PAPOLA: variants seen among roughly 807,000 people sequenced by gnomAD.
PAPOLA encodes the protein poly(A) polymerase alpha.
Under a neutral mutation model 100.6 loss-of-function variants are expected in PAPOLA, and 15 were observed. That is an observed-to-expected ratio of 0.15 (90% CI 0.10 to 0.23). The LOEUF (loss-of-function observed/expected upper bound fraction) is 0.23, where lower values mean the gene tolerates loss of function less well. PAPOLA is among the 10% of genes least tolerant of loss of function. The pLI is 1.00. For missense variants in PAPOLA, 533 were observed against 884.2 expected (o/e 0.60, Z 5.04); for synonymous variants, 293 against 300.0 (o/e 0.98, Z 0.24).
At chr14:96,525,735 G>A (rs1898408099) in intron 4 of PAPOLA, among the ~76,000 whole-genome samples, 1 of 152,112 alleles carries the variant, frequency 6.6e-6, no homozygotes, top group Admixed American at 6.5e-5. Flanking sequence ...CTGGGTGACA[G>A]AACAAGACCC....
chr14:96,555,618 A>G (rs1166187024), intron 17 of PAPOLA, among the ~76,000 whole-genome samples: 1 of 152,166 alleles, frequency 6.6e-6, no homozygotes, highest in Non-Finnish European at 1.5e-5. Context: ...ACATTCTGTC[A>G]TCTCAGGAAG....
Position 96,522,355 on chromosome 14 carries a change from G to A in PAPOLA, c.249+1283G>A, listed in dbSNP as rs112529300. On this transcript the variant is annotated intron_variant, in intron 3 of 21. Coordinates refer to ENST00000216277, the MANE Select transcript of PAPOLA (RefSeq NM_032632.5). ...GCTGGTCTCAAACTTTTGGTCTCAAGTGATCTGCCCACCTCGGCCTTTCAA... is the reference window on the plus strand; with the variant it reads ...GCTGGTCTCAAACTTTTGGTCTCAAATGATCTGCCCACCTCGGCCTTTCAA... Among the ~76,000 whole-genome samples, 10 of 151,646 alleles carry A rather than the reference G, an allele frequency of 6.6e-5. 2 individuals are homozygous for A. Among genetic ancestry groups the A allele is most frequent in the African/African-American group, 2.4e-4 (10 of 41,370 alleles).
chr14:96,527,788 G>A lies in PAPOLA; in HGVS notation c.442-165G>A, dbSNP rs1211509283. The A allele has an allele frequency of 1.8e-5, 12 of 657,856 alleles. No homozygotes were observed. The Admixed American group carries it at 2.4e-4, about 13-fold the overall frequency. The allele number at this position is 657,856 out of a possible 1,614,324, so 40.8% of individuals were successfully genotyped here. On this transcript the variant is annotated intron_variant, in intron 5 of 21. Coordinates refer to ENST00000216277, the MANE Select transcript of PAPOLA (RefSeq NM_032632.5). ...CTGGCCACAATCATACATCTGATGA[G>A]TGGGTGAAGTAAAATATTTGAACCT...
At chr14:96,522,116 CTTTTTTTT>C (rs754167531) in intron 3 of PAPOLA, among the ~76,000 whole-genome samples, 42 of 57,838 alleles carry the variant, frequency 7.3e-4, no homozygotes, top group African/African-American at 1.8e-3. Context: ...TTCTTTCTTT[CTTTTTTTT>C]TTTTTTTTTT....
chr14:96,532,780 G>C, intron 9 of PAPOLA, 131 bp downstream of exon 9: 1 of 1,394,900 alleles, frequency 7.2e-7, no homozygotes, highest in East Asian at 2.7e-5. Context: ...GGCAGCCTTG[G>C]AGATCACATT....
At chr14:96,514,746 G>A (rs1196718465) in intron 1 of PAPOLA, among the ~76,000 whole-genome samples, 1 of 152,212 alleles carries the variant, frequency 6.6e-6, no homozygotes, top group Non-Finnish European at 1.5e-5. Flanking sequence ...CTGCTCTTTA[G>A]TGTTATGTGT....
At chr14:96,534,344 A>C (rs1156899012) in intron 9 of PAPOLA, 147 bp from the exon 10 acceptor site, 2 of 1,431,510 alleles carry the variant, frequency 1.4e-6, no homozygotes, top group Non-Finnish European at 9.1e-7. Flanking sequence ...TGAGTAGTCT[A>C]ATGTCGTCAG....
Position 96,542,775 on chromosome 14 carries a change from G to A in PAPOLA, c.1171G>A (p.Val391Met). The change falls in exon 14 of 22, where the codon GTG becomes ATG. Residue 391 changes from valine (V) to methionine (M), a missense_variant and splice_region_variant. Physicochemically the swap from Val to Met is conservative, Grantham distance 21 (BLOSUM62 1). This residue lies in a region of PAPOLA where 87 missense variants were observed against 173.3 expected (regional missense o/e 0.50). Coordinates refer to ENST00000216277, the MANE Select transcript of PAPOLA (RefSeq NM_032632.5). Reference sequence around the variant, plus strand: ...TAATACTAAGTGACATTTGTTCAGGGTGGGCTTGGTGGAATCAAAAATCCG... The same window carrying A: ...TAATACTAAGTGACATTTGTTCAGGATGGGCTTGGTGGAATCAAAAATCCG... ...APTEKQRLEWVGLVESKIRIL... is the reference protein window; with the variant it reads ...APTEKQRLEWMGLVESKIRIL... 6.2e-7 allele frequency: 1 copy of A among 1,605,296 alleles called. No individual in the cohort carries two copies. The highest frequency in any genetic ancestry group is 8.5e-7 in the Non-Finnish European group (1 of 1,177,784).
chr14:96,523,334 T>C (rs981351256), intron 3 of PAPOLA, among the ~76,000 whole-genome samples: 1 of 152,206 alleles, frequency 6.6e-6, no homozygotes, highest in Non-Finnish European at 1.5e-5. Context: ...GCCAGGTATT[T>C]AAATAAAAAT....
At chr14:96,512,252 T>C (rs1241697549) in intron 1 of PAPOLA, among the ~76,000 whole-genome samples, 4 of 151,936 alleles carry the variant, frequency 2.6e-5, no homozygotes, top group Non-Finnish European at 5.9e-5. Context: ...GGACATAATA[T>C]ACAAATAGTT....
intron 3 of PAPOLA, among the ~76,000 whole-genome samples, chr14:96,522,112 CTTTCT>C (rs1380898855): frequency 9.1e-5 from 9 of 98,714 alleles, no homozygotes; most frequent in South Asian, 7.9e-4. Flanking sequence ...CTCTTTCTTT[CTTTCT>C]TTTTTTTTTT....
intron 1 of PAPOLA, 138 bp downstream of exon 1, chr14:96,502,738 C>G: frequency 1.1e-6 from 1 of 893,872 alleles, no homozygotes. Flanking sequence ...GGACTGGGGA[C>G]CTTCCTGTTT....
intron 1 of PAPOLA, among the ~76,000 whole-genome samples, chr14:96,506,913 TGTG>T (rs1566829236): frequency 6.6e-6 from 1 of 152,216 alleles, no homozygotes; most frequent in Non-Finnish European, 1.5e-5. Context: ...AACTGCCACT[TGTG>T]GAGTTCTGGT....
intron 3 of PAPOLA, among the ~76,000 whole-genome samples, chr14:96,524,567 G>T (rs1898297471): frequency 6.6e-6 from 1 of 151,758 alleles, no homozygotes; most frequent in South Asian, 2.1e-4. Flanking sequence ...TGTCGCCCAG[G>T]CTAGAGTGCA....
intron 3 of PAPOLA, among the ~76,000 whole-genome samples, chr14:96,521,807 G>A (rs1448495858): frequency 6.6e-6 from 1 of 151,678 alleles, no homozygotes; most frequent in Non-Finnish European, 1.5e-5. Context: ...CATTCTTTGG[G>A]TTTCCTTTTT....
At chr14:96,561,174 G>C (rs17094165) in intron 20 of PAPOLA, among the ~76,000 whole-genome samples, 8 of 152,104 alleles carry the variant, frequency 5.3e-5, no homozygotes, top group Admixed American at 5.2e-4. Context: ...AGTTTTTGGC[G>C]TAAGGTTTTG....
chr14:96,514,641 A>G (rs540316901), intron 1 of PAPOLA, among the ~76,000 whole-genome samples: 1 of 152,212 alleles, frequency 6.6e-6, no homozygotes, highest in Non-Finnish European at 1.5e-5. Flanking sequence ...AAGTTCCTAA[A>G]TATTTATCCT....
Position 96,566,416 on chromosome 14 carries a change from A to G in PAPOLA, c.*1366A>G, listed in dbSNP as rs1273552865. On this transcript the variant is annotated 3_prime_UTR_variant, in exon 22 of 22. Coordinates refer to ENST00000216277, the MANE Select transcript of PAPOLA (RefSeq NM_032632.5). Reference sequence around the variant, plus strand: ...AGGGATGCCAGATGTTGATAAACTTACTCTTTCTGAATCTGGACAAAGTCG... The same window carrying G: ...AGGGATGCCAGATGTTGATAAACTTGCTCTTTCTGAATCTGGACAAAGTCG... 1 of 152,178 alleles carries G rather than the reference A, an allele frequency of 6.6e-6. No homozygotes were observed. Among genetic ancestry groups the G allele is most frequent in the East Asian group, 1.9e-4 (1 of 5,190 alleles). 9.4% of individuals were successfully genotyped at this position (152,178 alleles called of 1,614,324 possible). A position where few individuals can be genotyped will look rare whatever the true frequency, so the allele number is the denominator to read the frequency against.
chr14:96,510,728 C>T (rs528267853), intron 1 of PAPOLA, among the ~76,000 whole-genome samples: 77 of 152,298 alleles, frequency 5.1e-4, no homozygotes, highest in African/African-American at 1.8e-3. Context: ...ACCTGCAGTA[C>T]GTTTTTAAGA....
Sources: allele counts gnomAD v4.1 joint callset (sites outside exome capture counted in the v4.1 genomes callset), GRCh38; gene constraint gnomAD v4.1.1; regional missense constraint gnomAD v4.1.1; transcripts MANE v1.5; gene names NCBI Gene and HGNC (gene_info 2026-07-23, HGNC 2026-07-21).